WSCD1: variants seen among roughly 807,000 people sequenced by gnomAD.
WSCD1 encodes WSC domain sialate O sulfotransferase 1, also known as sialate:O-sulfotransferase 1.
In WSCD1, 41 loss-of-function variants were observed where a neutral mutation model predicts 60.4. The observed-to-expected ratio is 0.68, with a 90% CI of 0.53 to 0.88. WSCD1 has a LOEUF of 0.88. WSCD1 is among the 40% of genes least tolerant of loss of function. The pLI, the probability that WSCD1 is intolerant of heterozygous loss-of-function variation, is 0.00. For missense variants in WSCD1, 784 were observed against 796.2 expected, an observed-to-expected ratio of 0.98 and a Z score of 0.18; for synonymous variants, 361 against 332.5, an observed-to-expected ratio of 1.09 and a Z score of -0.93.
intron 5 of WSCD1, among the ~76,000 whole-genome samples, chr17:6,106,698 C>G (rs1911102611): frequency 6.6e-6 from 1 of 152,098 alleles, no homozygotes; most frequent in African/African-American, 2.4e-5. Flanking sequence ...AGCATGTCAT[C>G]AGATAGGTTA....
Position 6,090,315 on chromosome 17 carries a change from C to G in WSCD1, c.543-6C>G, listed in dbSNP as rs778252989. 3.2e-6 allele frequency: 5 copies of G among 1,581,458 alleles called. No individual in the cohort carries two copies. Among genetic ancestry groups the G allele is most frequent in the Non-Finnish European group, 4.3e-6 (5 of 1,166,062 alleles). On this transcript the variant is annotated splice_region_variant and splice_polypyrimidine_tract_variant and intron_variant, in intron 3 of 8. Transcript: ENST00000317744. ...GTCCGGACTCACCCAGGCCTCCTCC[C>G]TGCAGGTCCTATGTCTACGCCGGCT...
chr17:6,110,886 T>C lies in WSCD1; in HGVS notation c.1125T>C (p.Thr375=), dbSNP rs781482387. 8 of 1,613,738 alleles carry C rather than the reference T, an allele frequency of 5.0e-6. No individual in the cohort carries two copies. The African/African-American group carries it at 9.3e-5, about 19-fold the overall frequency. ...TWARHLIEHA[T]GFYTGSYYFD... ...CACGGCACCTCATTGAGCATGCCAC[T>C]GGCTTCTATACAGGGAGCTACTACT... The change falls in exon 7 of 9, where the codon ACT becomes ACC. Residue 375 remains threonine (T), a synonymous_variant. Transcript: ENST00000317744. This position sits in a 1 kb window ranked among gnomAD's most constrained non-coding sequence, Gnocchi z 4.8.
In WSCD1 at chr17:6,123,065, A is replaced by G. The variant is rs565585806; in HGVS notation, c.*2404A>G. On this transcript the variant is annotated 3_prime_UTR_variant, in exon 9 of 9. Transcript: ENST00000317744. ...ACGGGGATCTGTCTGTGCTTGCAGGAAAGTCCATTTGTTTTTCTCCAAGTT... is the reference window on the plus strand; with the variant it reads ...ACGGGGATCTGTCTGTGCTTGCAGGGAAGTCCATTTGTTTTTCTCCAAGTT... 6.6e-6 allele frequency: 1 copy of G among 152,316 alleles called. No individual in the cohort carries two copies. Among genetic ancestry groups the G allele is most frequent in the South Asian group, 2.1e-4 (1 of 4,812 alleles). The allele number at this position is 152,316 out of a possible 1,614,324, so 9.4% of individuals were successfully genotyped here. A position where few individuals can be genotyped will look rare whatever the true frequency, so the allele number is the denominator to read the frequency against.
At chr17:6,098,711 G>T (rs975968777) in intron 5 of WSCD1, among the ~76,000 whole-genome samples, 29 of 152,202 alleles carry the variant, frequency 1.9e-4, no homozygotes, top group African/African-American at 6.5e-4. Context: ...TGCAACATTT[G>T]CAGCTGTGAG....
chr17:6,069,390 CGT>C (rs771018197), upstream of WSCD1: 28,952 of 331,028 alleles, frequency 0.087, 911 homozygotes, highest in Admixed American at 0.1. Context: ...CACCTCGGTG[CGT>C]GTGTGTGTGT....
chr17:6,078,396 G>A (rs1440858871), intron 1 of WSCD1, among the ~76,000 whole-genome samples: 2 of 152,224 alleles, frequency 1.3e-5, no homozygotes, highest in East Asian at 3.9e-4. Context: ...AATCTTCAGG[G>A]AAGCTTTCTC....
At chr17:6,082,910 G>A (rs1027781899) in intron 2 of WSCD1, among the ~76,000 whole-genome samples, 1 of 152,296 alleles carries the variant, frequency 6.6e-6, no homozygotes, top group East Asian at 1.9e-4. Flanking sequence ...CTGACTGGTA[G>A]CTCAGTCAAA....
At chr17:6,087,443 G>C (rs1909729314) in intron 2 of WSCD1, among the ~76,000 whole-genome samples, 2 of 152,246 alleles carry the variant, frequency 1.3e-5, no homozygotes, top group Admixed American at 1.3e-4. Context: ...ACACTCCAGA[G>C]ATGGGGTCTT....
intron 7 of WSCD1, among the ~76,000 whole-genome samples, chr17:6,115,456 G>C (rs928687508): frequency 6.6e-6 from 1 of 152,194 alleles, no homozygotes; most frequent in Non-Finnish European, 1.5e-5. Flanking sequence ...AATGGCTGAA[G>C]ACTGTGTTTT....
rs375814216 is a variant in WSCD1, at chr17:6,120,534, G to A, written c.1601G>A (p.Arg534His). The A allele has an allele frequency of 7.4e-5, 119 of 1,613,714 alleles. No individual in the cohort carries two copies. Among genetic ancestry groups the A allele is most frequent in the Middle Eastern group, 4.9e-4 (3 of 6,062 alleles). Residue 534 changes from arginine to histidine, a missense_variant, in exon 9 of 9, where the codon CGC (arginine) becomes CAC (histidine). Arg to His is a conservative substitution (Grantham distance 29). Transcript: ENST00000317744. Reference protein sequence around the residue: ...KEGSFRRRGRRSHDPEPFTPE... With the variant: ...KEGSFRRRGRHSHDPEPFTPE... ...GGCAGCTTCCGGCGGCGCGGCCGGC[G>A]CTCCCACGACCCTGAGCCCTTCACC...
chr17:6,118,491 CT>C lies in WSCD1; in HGVS notation c.1375+306del, dbSNP rs1442058354. Among the ~76,000 whole-genome samples, 2 of 152,216 alleles carry C rather than the reference CT, an allele frequency of 1.3e-5. No individual in the cohort carries two copies. The highest frequency in any genetic ancestry group is 2.9e-5 in the Non-Finnish European group (2 of 68,032). ...GTGCATAGTGGGGTGATATGCACCC[CT>C]TTCCATCTCTGCTTCTGCCCAGGAG... On this transcript the variant is annotated intron_variant, in intron 8 of 8. Transcript: ENST00000317744. The surrounding 1 kb of genome is among the most constrained non-coding windows in gnomAD (Gnocchi z 5.8).
chr17:6,080,652 C>T lies in WSCD1; in HGVS notation c.-7C>T. ...GGCTCCAGCCAGGAGCCCTGCTGCC[C>T]AGGGGCATGGCCAAACCTTTCTTCC... On this transcript the variant is annotated 5_prime_UTR_variant, in exon 2 of 9. Transcript: ENST00000317744. This position sits in a 1 kb window ranked among gnomAD's most constrained non-coding sequence, Gnocchi z 6.6. 1 of 1,613,380 alleles carries T rather than the reference C, an allele frequency of 6.2e-7. No homozygotes were observed. Among genetic ancestry groups the T allele is most frequent in the Non-Finnish European group, 8.5e-7 (1 of 1,179,854 alleles).
rs935195944 is a variant in WSCD1 at position 6,108,939 on chromosome 17, A to G, written c.850-668A>G. 1.1e-4 allele frequency among the ~76,000 whole-genome samples: 17 copies of G among 152,304 alleles called. No individual in the cohort carries two copies. In the East Asian group the frequency reaches 1.2e-3, roughly 10 times the overall value. ...GGGCTGAGCATCTTGGGTGGGAACAAAGTCTGTTCTTCTCCACCCCTTCCA... is the reference window on the plus strand; with the variant it reads ...GGGCTGAGCATCTTGGGTGGGAACAGAGTCTGTTCTTCTCCACCCCTTCCA... On this transcript the variant is annotated intron_variant, in intron 5 of 8. Transcript: ENST00000317744.
chr17:6,091,060 T>A (rs1296107487), intron 4 of WSCD1, among the ~76,000 whole-genome samples: 2 of 151,846 alleles, frequency 1.3e-5, no homozygotes, highest in Non-Finnish European at 2.9e-5. Flanking sequence ...CCGGCTAATG[T>A]TTTTTGTATT....
chr17:6,118,217 G>A lies in WSCD1; in HGVS notation c.1375+29G>A. 6.2e-7 allele frequency: 1 copy of A among 1,610,560 alleles called. No homozygotes were observed. ...ATCAAGGACCTTGCGGTGGGGGTGG[G>A]AGGCTTGTCAGTACAGGTAGGTTGC... On this transcript the variant is annotated intron_variant, in intron 8 of 8. Transcript: ENST00000317744. The surrounding 1 kb of genome is among the most constrained non-coding windows in gnomAD (Gnocchi z 5.8).
chr17:6,118,097 C>T lies in WSCD1; in HGVS notation c.1284C>T (p.Ile428=), dbSNP rs1904409180. ...TGTTTGATTCAGCCATCCTGCTAAT[C>T]CGGAACCCATACAGGTCCCTGGTGG... ...IEMFDSAILL[I]RNPYRSLVAE... is the part of the protein sequence containing the mutation. The change falls in exon 8 of 9, where the codon ATC becomes ATT. Residue 428 remains isoleucine, a synonymous_variant. Transcript: ENST00000317744. This position sits in a 1 kb window ranked among gnomAD's most constrained non-coding sequence, Gnocchi z 5.8. 6.2e-7 allele frequency: 1 copy of T among 1,614,206 alleles called. No individual in the cohort carries two copies. The highest frequency in any genetic ancestry group is 8.5e-7 in the Non-Finnish European group (1 of 1,180,034).
Position 6,107,890 on chromosome 17 carries a change from G to T in WSCD1, c.850-1717G>T, listed in dbSNP as rs74979134. 5.6e-3 allele frequency among the ~76,000 whole-genome samples: 849 copies of T among 152,326 alleles called. 9 individuals carry two copies. Among genetic ancestry groups the T allele is most frequent in the Middle Eastern group, 0.02 (6 of 294 alleles). On this transcript the variant is annotated intron_variant, in intron 5 of 8. Transcript: ENST00000317744. The stretch of plus-strand genomic sequence containing the variant: ...CCCAGCTCTCGCTTTCCATAGAAGA[G>T]TGGTGTAGGGGCCGTGAGGATGGGT...
intron 4 of WSCD1, among the ~76,000 whole-genome samples, chr17:6,092,711 G>C (rs1417385993): frequency 6.6e-6 from 1 of 152,066 alleles, no homozygotes; most frequent in African/African-American, 2.4e-5. Context: ...TGGACTCCCG[G>C]CGGCCCTCCC....
intron 8 of WSCD1, among the ~76,000 whole-genome samples, chr17:6,119,715 C>G (rs1317416781): frequency 2.0e-5 from 3 of 152,148 alleles, no homozygotes; most frequent in Non-Finnish European, 4.4e-5. Flanking sequence ...TGTTTTCTCA[C>G]ATTAAAAACA....
Sources: gnomAD v4.1 joint callset for allele counts (sites outside exome capture counted in the v4.1 genomes callset) on GRCh38, gnomAD v4.1.1 for gene constraint, Gnocchi (gnomAD v3.1) non-coding constraint, MANE v1.5 for transcripts, NCBI Gene and HGNC (gene_info 2026-07-23, HGNC 2026-07-21) for gene names.